The following USP12 variants were observed in gnomAD, a reference collection of about 807,000 sequenced individuals.
USP12 encodes the protein ubiquitin specific peptidase 12.
Under a neutral mutation model 45.5 loss-of-function variants are expected in USP12, and 19 were observed. That is an observed-to-expected ratio of 0.42 (90% confidence interval 0.29 to 0.61). The LOEUF (loss-of-function observed/expected upper bound fraction) is 0.61. Among genes scored for constraint, USP12 ranks in the 20% least tolerant of loss-of-function variants. USP12 has a pLI of 0.22. For synonymous variants in USP12, 149 were observed against 148.8 expected (o/e 1.00, Z -0.01); for missense variants, 242 against 447.7 (o/e 0.54, Z 4.15).
At chr13:27,076,025 G>A (rs753893782) in intron 6 of USP12, among the ~76,000 whole-genome samples, 57 of 91,118 alleles carry the variant, frequency 6.3e-4, no homozygotes, top group African/African-American at 2.2e-3. Context: ...GCAAGGCTCC[G>A]TCTCAAAAAA....
At chr13:27,104,219 CAAGGT>C (rs1875020250) in intron 3 of USP12, among the ~76,000 whole-genome samples, 1 of 152,124 alleles carries the variant, frequency 6.6e-6, no homozygotes, top group African/African-American at 2.4e-5. Context: ...TTTTGTGAGA[CAAGGT>C]CTTGCTTTGC....
chr13:27,118,366 G>T (rs981939012), intron 1 of USP12, among the ~76,000 whole-genome samples: 7 of 151,792 alleles, frequency 4.6e-5, no homozygotes, highest in African/African-American at 1.7e-4. Context: ...TTTTTGACTT[G>T]GGAATCAATT....
intron 1 of USP12, among the ~76,000 whole-genome samples, chr13:27,139,925 T>G (rs1166949607): frequency 6.6e-6 from 1 of 152,226 alleles, no homozygotes; most frequent in African/African-American, 2.4e-5. Context: ...AAACAAGTGA[T>G]AGTAAAAAAG....
intron 1 of USP12, among the ~76,000 whole-genome samples, chr13:27,126,411 CAGAA>C (rs905481524): frequency 1.3e-5 from 2 of 152,184 alleles, no homozygotes; most frequent in Non-Finnish European, 2.9e-5. Flanking sequence ...AACAAACAAA[CAGAA>C]AGGAATAGCA....
Position 27,096,075 on chromosome 13 carries a change from C to T in USP12, c.344-245G>A, listed in dbSNP as rs192621246. 6.1e-3 allele frequency among the ~76,000 whole-genome samples: 928 copies of T among 152,170 alleles called. 4 individuals carry two copies. Among genetic ancestry groups the T allele is most frequent in the Middle Eastern group, 0.014 (4 of 294 alleles). On this transcript the variant is annotated intron_variant, in intron 3 of 8. Coordinates refer to ENST00000282344, the MANE Select transcript of USP12 (RefSeq NM_182488.4). Reference sequence around the variant, plus strand: ...TCCTGAGAAAAGGGCAAAACCTATCCTTATATATTGGCATAACAGATACTG... The same window carrying T: ...TCCTGAGAAAAGGGCAAAACCTATCTTTATATATTGGCATAACAGATACTG...
intron 6 of USP12, among the ~76,000 whole-genome samples, chr13:27,082,094 G>A (rs1350048115): frequency 6.6e-6 from 1 of 152,224 alleles, no homozygotes; most frequent in Non-Finnish European, 1.5e-5. Context: ...CAGAGAATCA[G>A]CCTGTCCTTT....
At chr13:27,108,168 T>C (rs1218009563) in intron 2 of USP12, among the ~76,000 whole-genome samples, 3 of 151,464 alleles carry the variant, frequency 2.0e-5, no homozygotes, top group African/African-American at 7.3e-5. Context: ...ATTAAGAAAA[T>C]GTGGCACATA....
intron 2 of USP12, among the ~76,000 whole-genome samples, chr13:27,112,630 A>C (rs940551652): frequency 2.0e-5 from 3 of 152,172 alleles, no homozygotes; most frequent in Admixed American, 1.3e-4. Flanking sequence ...ACTAAAATTC[A>C]ATCATATAAT....
At chr13:27,110,012 TGTGATCATTAG>T (rs1490277305) in intron 2 of USP12, among the ~76,000 whole-genome samples, 3 of 151,498 alleles carry the variant, frequency 2.0e-5, no homozygotes, top group Admixed American at 2.0e-4. Context: ...CTTTGTTAGG[TGTGATCATTAG>T]GTGATCATAT....
At chr13:27,069,410 T>A in intron 8 of USP12, 26 bp from the exon 9 acceptor site, 1 of 1,523,354 alleles carries the variant, frequency 6.6e-7, no homozygotes, top group Non-Finnish European at 9.1e-7. Flanking sequence ...TAAACATTAG[T>A]ACATAAATGA....
At chr13:27,109,991 G>A (rs1399046308) in intron 2 of USP12, among the ~76,000 whole-genome samples, 2 of 151,144 alleles carry the variant, frequency 1.3e-5, no homozygotes, top group Non-Finnish European at 2.9e-5. Flanking sequence ...ATGATATTAA[G>A]AAATTGTTGA....
At chr13:27,093,734 C>A (rs1347500007) in intron 4 of USP12, among the ~76,000 whole-genome samples, 2 of 152,194 alleles carry the variant, frequency 1.3e-5, no homozygotes, top group African/African-American at 4.8e-5. Flanking sequence ...ATGTTTATAG[C>A]AGCTTTATTC....
At chr13:27,117,811 C>T (rs1875814025) in intron 1 of USP12, 2 of 518,098 alleles carry the variant, frequency 3.9e-6, no homozygotes, top group African/African-American at 3.9e-5. Context: ...ACGTGATCAA[C>T]TCAATTCTGT....
chr13:27,128,869 CTG>C lies in USP12; in HGVS notation c.49-12275_49-12274del, dbSNP rs1304911805. Among the ~76,000 whole-genome samples the C allele has an allele frequency of 3.9e-5, 6 of 152,260 alleles. No homozygotes were observed. In the East Asian group the frequency reaches 1.2e-3, roughly 29 times the overall value. On this transcript the variant is annotated intron_variant, in intron 1 of 8. Coordinates refer to ENST00000282344, the MANE Select transcript of USP12 (RefSeq NM_182488.4). ...CCTATGTTACAGTATAATAAAGTAT[CTG>C]TAAAGTACCTACCACTCCTGAGAAG...
In USP12 at chr13:27,089,890, G is replaced by T; in HGVS notation, c.727C>A (p.His243Asn). ...ATAAAGCTCTAAAATTACCGTTTGT[G>T]TGCTTCCTGTTTGCTGCGACACTCT... ...CEECRSKQEA[H>N]KRMKVKKLPM... Residue 243 changes from histidine (H) to asparagine (N), a missense_variant, in exon 6 of 9, where the codon CAC becomes AAC. By Grantham distance (68) the His-to-Asn change is moderately conservative. Coordinates refer to ENST00000282344, the MANE Select transcript of USP12 (RefSeq NM_182488.4). The T allele has an allele frequency of 6.2e-7, 1 of 1,610,000 alleles. No homozygotes were observed. Among genetic ancestry groups the T allele is most frequent in the Non-Finnish European group, 8.5e-7 (1 of 1,178,474 alleles).
At chr13:27,154,339 C>A (rs1264361746) in intron 1 of USP12, among the ~76,000 whole-genome samples, 4 of 152,076 alleles carry the variant, frequency 2.6e-5, no homozygotes, top group Admixed American at 2.6e-4. Context: ...TCTCATGCTA[C>A]CAAGCCTATA....
intron 6 of USP12, among the ~76,000 whole-genome samples, chr13:27,081,810 G>A (rs536521429): frequency 1.3e-5 from 2 of 152,308 alleles, no homozygotes; most frequent in African/African-American, 2.4e-5. Flanking sequence ...CTCTTTGTGC[G>A]TCTCCATCAG....
chr13:27,089,749 A>C (rs1474886230), intron 6 of USP12, 134 bp downstream of exon 6: 5 of 779,768 alleles, frequency 6.4e-6, no homozygotes, highest in South Asian at 1.9e-5. Context: ...ATACTTAATG[A>C]ACATTAACTG....
chr13:27,156,545 C>G (rs1422519481), intron 1 of USP12, among the ~76,000 whole-genome samples: 1 of 152,166 alleles, frequency 6.6e-6, no homozygotes, highest in Non-Finnish European at 1.5e-5. Flanking sequence ...GCTGGGGGGG[C>G]AGTGGCTCAC....
Sources: allele counts gnomAD v4.1 joint callset (sites outside exome capture counted in the v4.1 genomes callset), GRCh38; gene constraint gnomAD v4.1.1; transcripts MANE v1.5; gene names NCBI Gene and HGNC (gene_info 2026-07-23, HGNC 2026-07-21).